The following RFTN2 variants were observed in gnomAD, a reference collection of about 807,000 sequenced individuals.
The protein encoded by RFTN2 is raftlin-2.
In RFTN2, 34 loss-of-function variants were observed where a neutral mutation model predicts 52.7. The observed-to-expected ratio is 0.64, with a 90% CI of 0.49 to 0.86. The LOEUF (loss-of-function observed/expected upper bound fraction) is 0.86. RFTN2 is among the 40% of genes least tolerant of loss of function. RFTN2 has a pLI of 0.00. For synonymous variants in RFTN2, 203 were observed against 217.7 expected (o/e 0.93, Z 0.59); for missense variants, 536 against 600.1 (o/e 0.89, Z 1.12).
chr2:197,669,391 AT>A (rs1041271196), intron 1 of RFTN2, among the ~76,000 whole-genome samples: 19 of 148,956 alleles, frequency 1.3e-4, no homozygotes, highest in African/African-American at 4.2e-4. Flanking sequence ...TTTTTTTCAA[AT>A]TTTTTTGGGG....
intron 1 of RFTN2, among the ~76,000 whole-genome samples, chr2:197,651,184 T>C (rs967517898): frequency 2.6e-5 from 4 of 152,236 alleles, no homozygotes; most frequent in African/African-American, 9.6e-5. Context: ...AGGTATATGA[T>C]TTGAAATTAT....
chr2:197,629,920 C>T (rs568586293), intron 5 of RFTN2, among the ~76,000 whole-genome samples: 1 of 152,002 alleles, frequency 6.6e-6, no homozygotes. Flanking sequence ...GATGAGGTTT[C>T]GCCATATTGC....
At chr2:197,590,053 G>A (rs549247781) in intron 8 of RFTN2, among the ~76,000 whole-genome samples, 1 of 149,654 alleles carries the variant, frequency 6.7e-6, no homozygotes, top group African/African-American at 2.5e-5. Flanking sequence ...GATTACCCGT[G>A]TGCGCCACCA....
chr2:197,616,997 C>T (rs1258231277), intron 6 of RFTN2, among the ~76,000 whole-genome samples: 1 of 152,218 alleles, frequency 6.6e-6, no homozygotes, highest in Non-Finnish European at 1.5e-5. Flanking sequence ...TCAGTGACAT[C>T]TGAATTCAGG....
chr2:197,671,001 C>A (rs971659350), intron 1 of RFTN2, among the ~76,000 whole-genome samples: 14 of 152,154 alleles, frequency 9.2e-5, no homozygotes, highest in African/African-American at 3.1e-4. Flanking sequence ...CTGTTACTGC[C>A]CTTCACCCAC....
At chr2:197,660,052 A>G (rs1035505213) in intron 1 of RFTN2, among the ~76,000 whole-genome samples, 12 of 152,242 alleles carry the variant, frequency 7.9e-5, no homozygotes, top group Admixed American at 5.2e-4. Context: ...ACTCAGGAAG[A>G]AAGAAAGGGA....
At chr2:197,622,359 C>T (rs1470273678) in intron 5 of RFTN2, among the ~76,000 whole-genome samples, 2 of 152,118 alleles carry the variant, frequency 1.3e-5, no homozygotes, top group African/African-American at 2.4e-5. Flanking sequence ...GGCTGGGGTG[C>T]GGTGGCATGA....
chr2:197,575,801 T>G (rs2087403008), intron 8 of RFTN2, among the ~76,000 whole-genome samples: 1 of 137,902 alleles, frequency 7.3e-6, no homozygotes, highest in African/African-American at 2.6e-5. Flanking sequence ...ATTATATATA[T>G]TTTATATACA....
At chr2:197,583,139 T>A (rs1350820344) in intron 8 of RFTN2, among the ~76,000 whole-genome samples, 1 of 152,190 alleles carries the variant, frequency 6.6e-6, no homozygotes, top group East Asian at 1.9e-4. Flanking sequence ...ATCATGGAAA[T>A]CTATCCTTAA....
At chr2:197,615,045 A>G (rs1258579205) in intron 7 of RFTN2, among the ~76,000 whole-genome samples, 2 of 152,228 alleles carry the variant, frequency 1.3e-5, no homozygotes, top group Admixed American at 6.5e-5. Flanking sequence ...CTTTTCAGAT[A>G]AAGCCATGCC....
chr2:197,596,168 T>A, intron 7 of RFTN2, 99 bp from the exon 8 acceptor site: 1 of 555,942 alleles, frequency 1.8e-6, no homozygotes. Flanking sequence ...TAAAATAATC[T>A]TCTGACCAAA....
intron 4 of RFTN2, among the ~76,000 whole-genome samples, chr2:197,631,625 C>G (rs2088471050): frequency 6.6e-6 from 1 of 152,110 alleles, no homozygotes; most frequent in Non-Finnish European, 1.5e-5. Flanking sequence ...ATGTAAATAA[C>G]CATATAGATC....
At chr2:197,622,922 A>G (rs1346744393) in intron 5 of RFTN2, among the ~76,000 whole-genome samples, 1 of 152,200 alleles carries the variant, frequency 6.6e-6, no homozygotes, top group Non-Finnish European at 1.5e-5. Context: ...CACTATTCAG[A>G]CCTACTGCTC....
intron 8 of RFTN2, among the ~76,000 whole-genome samples, chr2:197,588,687 A>G (rs1408034166): frequency 6.6e-6 from 1 of 152,214 alleles, no homozygotes; most frequent in Non-Finnish European, 1.5e-5. Context: ...TAGGTTAAAC[A>G]CCCAAGACAG....
intron 3 of RFTN2, among the ~76,000 whole-genome samples, chr2:197,640,006 ATG>A (rs1334127683): frequency 6.6e-6 from 1 of 152,006 alleles, no homozygotes; most frequent in Non-Finnish European, 1.5e-5. Context: ...GCCGTGTGAG[ATG>A]TCAGTGTGCC....
chr2:197,587,625 ACT>A (rs1408318754), intron 8 of RFTN2, among the ~76,000 whole-genome samples: 2 of 150,996 alleles, frequency 1.3e-5, no homozygotes, highest in Admixed American at 6.6e-5. Flanking sequence ...CCCTTCGCTG[ACT>A]CTCTTTTTGG....
intron 5 of RFTN2, among the ~76,000 whole-genome samples, chr2:197,628,577 T>C (rs1351570297): frequency 6.6e-6 from 1 of 151,516 alleles, no homozygotes; most frequent in Non-Finnish European, 1.5e-5. Context: ...AAATTTGAAA[T>C]GGCTTCAACT....
chr2:197,652,505 T>C (rs1435499487), intron 1 of RFTN2, among the ~76,000 whole-genome samples: 2 of 152,240 alleles, frequency 1.3e-5, no homozygotes, highest in African/African-American at 4.8e-5. Context: ...TTCATTTCAC[T>C]TAATTTCCTT....
chr2:197,606,986 A>C (rs977560009), intron 7 of RFTN2, among the ~76,000 whole-genome samples: 2 of 152,224 alleles, frequency 1.3e-5, no homozygotes, highest in African/African-American at 4.8e-5. Context: ...CTGGGTATAT[A>C]CCCAAAGGAT....
Sources: gnomAD v4.1 joint callset for allele counts (sites outside exome capture counted in the v4.1 genomes callset) on GRCh38, gnomAD v4.1.1 for gene constraint, MANE v1.5 for transcripts, NCBI Gene and HGNC (gene_info 2026-07-23, HGNC 2026-07-21) for gene names.